SPTAN1: variants seen among roughly 807,000 people sequenced by gnomAD.
The protein encoded by SPTAN1 is spectrin alpha, non-erythrocytic 1.
Under a neutral mutation model 331.3 loss-of-function variants are expected in SPTAN1, and 61 were observed. The observed-to-expected ratio is 0.18, with a 90% CI of 0.15 to 0.23. The LOEUF is 0.23. Ranked by LOEUF, SPTAN1 falls within the 10% of genes least tolerant of loss-of-function variation. The pLI is 1.00. For missense variants in SPTAN1, 2,043 were observed against 3,147.9 expected, an observed-to-expected ratio of 0.65 and a Z score of 8.40; for synonymous variants, 1,153 against 1,173.9, an observed-to-expected ratio of 0.98 and a Z score of 0.36.
chr9:128,581,106 G>T (rs201757065), intron 11 of SPTAN1, 47 bp downstream of exon 11: 94 of 1,612,034 alleles, frequency 5.8e-5, no homozygotes, highest in Non-Finnish European at 1.0e-5. Flanking sequence ...AGAAGGGCCT[G>T]TGTTTTGCCT....
At chr9:128,613,319 T>C in intron 39 of SPTAN1, 62 bp from the exon 40 acceptor site, 2 of 1,453,032 alleles carry the variant, frequency 1.4e-6, no homozygotes, top group South Asian at 2.3e-5. Context: ...GCAACCTGAA[T>C]TTTCCAGAAT....
Position 128,632,962 on chromosome 9 carries a change from GC to G in SPTAN1, c.7308+9del, listed in dbSNP as rs1191675267. On this transcript the variant is annotated splice_region_variant and intron_variant, in intron 56 of 56. Transcript: ENST00000372739. Reference sequence around the variant, plus strand: ...CAAGGAGGAGCTCTACCAGGTATGGGCCTCAGGAGGTGGGTGAAGAGGTGTC... The same window carrying G: ...CAAGGAGGAGCTCTACCAGGTATGGGCTCAGGAGGTGGGTGAAGAGGTGTC... 3.7e-6 allele frequency: 6 copies of G among 1,610,946 alleles called. No homozygotes were observed. In the African/African-American group the frequency reaches 6.7e-5, roughly 18 times the overall value.
intron 1 of SPTAN1, among the ~76,000 whole-genome samples, chr9:128,562,283 A>G (rs147363275): frequency 0.022 from 3,379 of 152,072 alleles, 109 homozygotes; most frequent in African/African-American, 0.078. Flanking sequence ...TTGTATTTTT[A>G]GTAGAGATGT....
intron 51 of SPTAN1, chr9:128,628,313 G>A (rs1369314619): frequency 2.0e-5 from 8 of 399,842 alleles, no homozygotes; most frequent in East Asian, 6.2e-5. Context: ...CTTCCCCAGC[G>A]AGTCCAACAG....
In SPTAN1 at chr9:128,568,829, A is replaced by G. The variant is rs1850331688; in HGVS notation, c.295A>G (p.Ile99Val). Residue 99 changes from isoleucine (I) to valine (V), a missense_variant, in exon 3 of 57, where the codon ATT becomes GTT. By Grantham distance (29) the Ile-to-Val change is conservative. Around this residue, in one of 12 missense-constraint regions of SPTAN1, gnomAD observed 1,038 missense variants for 1,531.5 expected, o/e 0.68. Coordinates refer to ENST00000372739, the MANE Select transcript of SPTAN1 (RefSeq NM_001130438.3). ...EAEVQANSGA[I>V]VKLDETGNLM... Reference sequence around the variant, plus strand: ...TGAAGTGCAGGCCAACTCAGGAGCCATTGTTAAGCTGGATGAAACTGGAAA... The same window carrying G: ...TGAAGTGCAGGCCAACTCAGGAGCCGTTGTTAAGCTGGATGAAACTGGAAA... The G allele has an allele frequency of 1.2e-6, 2 of 1,614,182 alleles. No homozygotes were observed. Among genetic ancestry groups the G allele is most frequent in the Non-Finnish European group, 1.7e-6 (2 of 1,180,026 alleles).
At chr9:128,562,732 A>G (rs1187130400) in intron 1 of SPTAN1, among the ~76,000 whole-genome samples, 2 of 151,930 alleles carry the variant, frequency 1.3e-5, no homozygotes, top group African/African-American at 4.8e-5. Context: ...TGGGAGGCCA[A>G]GGTGGGCGGA....
At chr9:128,600,974 C>CTGTTTTTTTTTT in intron 27 of SPTAN1, among the ~76,000 whole-genome samples, 1 of 40,866 alleles carries the variant, frequency 2.4e-5, no homozygotes, top group South Asian at 2.0e-3. Context: ...GGGAGAAAGT[C>CTGTTTTTTTTTT]TTTTTTTTTT....
At chr9:128,585,460 G>A (rs903812432) in intron 18 of SPTAN1, among the ~76,000 whole-genome samples, 6 of 152,182 alleles carry the variant, frequency 3.9e-5, no homozygotes, top group African/African-American at 1.2e-4. Flanking sequence ...GTAACTGAGC[G>A]CTACAGTGGT....
chr9:128,596,359 C>T (rs1854286416), intron 24 of SPTAN1: 1 of 152,246 alleles, frequency 6.6e-6, no homozygotes, highest in East Asian at 1.9e-4. Context: ...TCACTGCAAC[C>T]TCCACCTCCC....
chr9:128,623,881 T>C (rs376873836), intron 45 of SPTAN1, among the ~76,000 whole-genome samples: 4 of 150,910 alleles, frequency 2.7e-5, no homozygotes, highest in African/African-American at 9.7e-5. Context: ...AGGTCAGGAG[T>C]TCGAGACCAG....
chr9:128,570,645 CTTATTTATTTAT>C (rs546203862), intron 3 of SPTAN1, among the ~76,000 whole-genome samples: 2 of 149,706 alleles, frequency 1.3e-5, no homozygotes, highest in African/African-American at 4.9e-5. Flanking sequence ...GCCCAGATGG[CTTATTTATTTAT>C]TTATTTATTT....
intron 53 of SPTAN1, 23 bp from the exon 54 acceptor site, chr9:128,632,408 C>T: frequency 1.2e-6 from 2 of 1,614,030 alleles, no homozygotes; most frequent in Non-Finnish European, 1.7e-6. Context: ...GGGTCTGTTC[C>T]CTAATTTCTG....
At chr9:128,594,428 G>GTTTTTT in intron 24 of SPTAN1, 55 bp downstream of exon 24, 9 of 600,758 alleles carry the variant, frequency 1.5e-5, no homozygotes, top group African/African-American at 2.4e-5. Flanking sequence ...TGAGTCTCTT[G>GTTTTTT]ATTTTTTTTT....
chr9:128,561,685 A>AAAAAAAAAAAAAAAAAAAAAT (rs1849383979), intron 1 of SPTAN1, among the ~76,000 whole-genome samples: 1 of 146,760 alleles, frequency 6.8e-6, no homozygotes, highest in Non-Finnish European at 1.5e-5. Context: ...AAAAAAAAAA[A>AAAAAAAAAAAAAAAAAAAAAT]AAAGAATATG....
intron 1 of SPTAN1, among the ~76,000 whole-genome samples, chr9:128,561,659 T>C (rs1266034676): frequency 8.8e-4 from 2 of 2,274 alleles, no homozygotes; most frequent in Non-Finnish European, 6.4e-3. Flanking sequence ...CGAGACTCCG[T>C]CTCAAAAAAA....
intron 1 of SPTAN1, among the ~76,000 whole-genome samples, chr9:128,558,204 T>C (rs915979449): frequency 6.6e-6 from 1 of 152,234 alleles, no homozygotes; most frequent in Non-Finnish European, 1.5e-5. Context: ...TTTTATTCAT[T>C]TTATTTATTA....
rs774559979 is a variant in SPTAN1, at chr9:128,607,984, C to T, written c.4279C>T (p.Arg1427Cys). ...KQKLDILDQE[R>C]ADLEKAWVQR... ...GAAACTTGATATTCTTGACCAGGAG[C>T]GTGCAGACCTGGAGAAGGCCTGGGT... Residue 1427 changes from arginine to cysteine, a missense_variant, in exon 33 of 57, where the codon CGT (arginine) becomes TGT (cysteine). Around this residue, in one of 12 missense-constraint regions of SPTAN1, gnomAD observed 179 missense variants for 215.7 expected, o/e 0.83. Transcript: ENST00000372739. 19 of 1,614,112 alleles carry T rather than the reference C, an allele frequency of 1.2e-5. No homozygotes were observed. The highest frequency in any genetic ancestry group is 2.7e-5 in the African/African-American group (2 of 75,018).
intron 10 of SPTAN1, among the ~76,000 whole-genome samples, chr9:128,579,997 G>A (rs1194098207): frequency 6.6e-6 from 1 of 152,082 alleles, no homozygotes; most frequent in Non-Finnish European, 1.5e-5. Context: ...TCTTGCATTA[G>A]GAGTTGGAGC....
intron 21 of SPTAN1, among the ~76,000 whole-genome samples, chr9:128,590,425 C>T (rs1385603099): frequency 4.6e-5 from 7 of 151,892 alleles, no homozygotes; most frequent in South Asian, 2.1e-4. Context: ...TCGATGAAGC[C>T]GGGCATGGTG....
Sources: allele counts gnomAD v4.1 joint callset (sites outside exome capture counted in the v4.1 genomes callset), GRCh38; gene constraint gnomAD v4.1.1; regional missense constraint gnomAD v4.1.1; transcripts MANE v1.5; gene names NCBI Gene and HGNC (gene_info 2026-07-23, HGNC 2026-07-21).